MTUS1: variants seen among roughly 807,000 people sequenced by gnomAD.
The protein encoded by MTUS1 is microtubule-associated tumor suppressor 1.
MTUS1 carries 109 observed loss-of-function variants against 120.8 expected under a neutral mutation model. The ratio of observed to expected loss-of-function variants is 0.90; its 90% confidence interval spans 0.77 to 1.06. MTUS1 has a LOEUF of 1.06. Ranked by LOEUF, MTUS1 falls within the 50% of genes least tolerant of loss-of-function variation. MTUS1 has a pLI of 0.00. For synonymous variants in MTUS1, 737 were observed against 550.5 expected (o/e 1.34, Z -4.74); for missense variants, 2,210 against 1,486.3 (o/e 1.49, Z -8.01).
chr8:17,702,224 T>A (rs1819237779), intron 6 of MTUS1, among the ~76,000 whole-genome samples: 1 of 152,248 alleles, frequency 6.6e-6, no homozygotes, highest in Admixed American at 6.5e-5. Context: ...GAGTGCTGTT[T>A]CTTATTCTTC....
chr8:17,684,182 G>A (rs2410501), intron 7 of MTUS1, 146 bp downstream of exon 7: 86,665 of 638,660 alleles, frequency 0.14, 6,256 homozygotes, highest in South Asian at 0.19. Flanking sequence ...AGTATCTGGT[G>A]AAGTGACAAA....
intron 6 of MTUS1, among the ~76,000 whole-genome samples, chr8:17,703,061 T>C (rs1819420942): frequency 6.6e-6 from 1 of 152,176 alleles, no homozygotes; most frequent in African/African-American, 2.4e-5. Flanking sequence ...AATGTTTATT[T>C]GAACAATATG....
intron 3 of MTUS1, among the ~76,000 whole-genome samples, chr8:17,739,234 C>A (rs2047141496): frequency 6.6e-6 from 1 of 152,130 alleles, no homozygotes; most frequent in Non-Finnish European, 1.5e-5. Flanking sequence ...TGGCTCACTC[C>A]TGTAATCCCA....
rs1184679323 is a variant in MTUS1, at chr8:17,743,748, C to G, written c.2143G>C (p.Asp715His). ...GCTATTTGCCTCAAACCGCAGGAGT[C>G]AGGCTTGGATATATTCCTACCTGAG... Reference protein sequence around the residue: ...TTSGRNISKPDSCGLRQIAAP... With the variant: ...TTSGRNISKPHSCGLRQIAAP... Residue 715 changes from aspartate to histidine, a missense_variant, in exon 3 of 15, where the codon GAC becomes CAC. By Grantham distance (81) the Asp-to-His change is moderately conservative. Transcript: ENST00000693296. 1.9e-6 allele frequency: 3 copies of G among 1,614,116 alleles called. No individual in the cohort carries two copies. The highest frequency in any genetic ancestry group is 2.2e-5 in the South Asian group (2 of 91,070).
intron 6 of MTUS1, among the ~76,000 whole-genome samples, chr8:17,693,054 G>C (rs902822359): frequency 1.3e-5 from 2 of 152,242 alleles, no homozygotes; most frequent in Non-Finnish European, 2.9e-5. Context: ...TAACCTGTGA[G>C]GTTCAAATGG....
intron 7 of MTUS1, among the ~76,000 whole-genome samples, 192 bp from the exon 8 acceptor site, chr8:17,675,444 A>C (rs1463568352): frequency 1.3e-5 from 2 of 152,218 alleles, no homozygotes; most frequent in Non-Finnish European, 2.9e-5. Context: ...TAATTCAAAA[A>C]TCTGTATTTT....
chr8:17,720,872 G>GTA (rs1449758498), intron 4 of MTUS1, among the ~76,000 whole-genome samples: 22 of 152,206 alleles, frequency 1.4e-4, no homozygotes, highest in Admixed American at 3.9e-4. Context: ...TATCCAAAAG[G>GTA]ATCAAGATCG....
intron 8 of MTUS1, among the ~76,000 whole-genome samples, chr8:17,658,812 G>C (rs545540921): frequency 6.6e-6 from 1 of 152,102 alleles, no homozygotes; most frequent in African/African-American, 2.4e-5. Context: ...CTGCCATGTG[G>C]TGGTAGAAAT....
At chr8:17,719,835 C>T (rs1004226304) in intron 4 of MTUS1, among the ~76,000 whole-genome samples, 4 of 152,146 alleles carry the variant, frequency 2.6e-5, no homozygotes, top group Non-Finnish European at 5.9e-5. Context: ...AAGATCCACC[C>T]TATTCTTTAT....
chr8:17,694,082 T>C (rs1360822507), intron 6 of MTUS1, among the ~76,000 whole-genome samples: 2 of 152,192 alleles, frequency 1.3e-5, no homozygotes, highest in African/African-American at 4.8e-5. Context: ...TTTTTACCTA[T>C]TAATTTTTTG....
At chr8:17,679,525 A>G (rs1813883369) in intron 7 of MTUS1, among the ~76,000 whole-genome samples, 1 of 149,294 alleles carries the variant, frequency 6.7e-6, no homozygotes, top group African/African-American at 2.5e-5. Context: ...ATTTTTTGAG[A>G]CAGGGTCTCA....
At chr8:17,716,150 C>G (rs1446412683) in intron 4 of MTUS1, among the ~76,000 whole-genome samples, 2 of 152,154 alleles carry the variant, frequency 1.3e-5, no homozygotes, top group African/African-American at 4.8e-5. Context: ...TGCATCTTGT[C>G]CAGTTCAGCT....
intron 2 of MTUS1, among the ~76,000 whole-genome samples, chr8:17,753,278 G>A (rs114999833): frequency 0.097 from 14,776 of 152,020 alleles, 811 homozygotes; most frequent in South Asian, 0.16. Flanking sequence ...TGCCTCCTCC[G>A]CAAGAGTCCA....
At chr8:17,664,459 C>G (rs1051187797) in intron 8 of MTUS1, among the ~76,000 whole-genome samples, 1 of 151,758 alleles carries the variant, frequency 6.6e-6, no homozygotes, top group East Asian at 1.9e-4. Context: ...TCCCCCACCC[C>G]ACCCCGAAAT....
Position 17,645,193 on chromosome 8 carries a change from G to T in MTUS1, c.*733C>A, listed in dbSNP as rs928591336. 5.2e-5 allele frequency: 8 copies of T among 152,550 alleles called. No individual in the cohort carries two copies. Among genetic ancestry groups the T allele is most frequent in the Non-Finnish European group, 8.8e-5 (6 of 68,016 alleles). The allele number at this position is 152,550 out of a possible 1,614,324, so 9.4% of individuals were successfully genotyped here. A position where few individuals can be genotyped will look rare whatever the true frequency, so the allele number is the denominator to read the frequency against. On this transcript the variant is annotated 3_prime_UTR_variant, in exon 15 of 15. Coordinates refer to ENST00000693296, the MANE Select transcript of MTUS1 (RefSeq NM_001363059.2). ...TCTACAGAAAAATCTAGTTTCAACTGACATGGCTGAACACTGAAAAACTGC... is the reference window on the plus strand; with the variant it reads ...TCTACAGAAAAATCTAGTTTCAACTTACATGGCTGAACACTGAAAAACTGC...
At chr8:17,652,406 T>C (rs1807202565) in intron 12 of MTUS1, among the ~76,000 whole-genome samples, 2 of 152,142 alleles carry the variant, frequency 1.3e-5, no homozygotes. Flanking sequence ...CCACATGTTC[T>C]ACAATCAACC....
chr8:17,736,317 A>T (rs1451148221), intron 3 of MTUS1, among the ~76,000 whole-genome samples: 1 of 151,970 alleles, frequency 6.6e-6, no homozygotes, highest in Non-Finnish European at 1.5e-5. Flanking sequence ...GTTGGTCCTG[A>T]CCTCCTCCGC....
At chr8:17,704,209 G>C (rs1819689868) in intron 6 of MTUS1, 2 of 152,276 alleles carry the variant, frequency 1.3e-5, no homozygotes, top group South Asian at 4.1e-4. Flanking sequence ...CAGACGTATG[G>C]TTTGCAAATG....
intron 1 of MTUS1, among the ~76,000 whole-genome samples, chr8:17,765,383 C>T (rs954945167): frequency 1.3e-5 from 2 of 152,096 alleles, no homozygotes; most frequent in African/African-American, 4.8e-5. Flanking sequence ...AATCCCAGCA[C>T]TTTGGGAGGC....
Sources: gnomAD v4.1 joint callset for allele counts (sites outside exome capture counted in the v4.1 genomes callset) on GRCh38, gnomAD v4.1.1 for gene constraint, MANE v1.5 for transcripts, NCBI Gene and HGNC (gene_info 2026-07-23, HGNC 2026-07-21) for gene names.